The following MPV17L variants were observed in gnomAD, a reference collection of about 807,000 sequenced individuals.
MPV17L encodes the protein MPV17 mitochondrial inner membrane protein like.
A neutral mutation model predicts 25.8 loss-of-function variants in MPV17L; 24 were observed. That is an observed-to-expected ratio of 0.93 (90% confidence interval 0.67 to 1.31). The LOEUF (loss-of-function observed/expected upper bound fraction) is 1.31. Among genes scored for constraint, MPV17L ranks in the 50% most tolerant of loss-of-function variants. MPV17L has a pLI of 0.00. For missense variants in MPV17L, 250 were observed against 265.6 expected, an observed-to-expected ratio of 0.94 and a Z score of 0.41; for synonymous variants, 102 against 115.3, an observed-to-expected ratio of 0.88 and a Z score of 0.74.
Position 15,413,000 on chromosome 16 carries a change from G to A in MPV17L, c.*4888G>A, listed in dbSNP as rs376361187. On this transcript the variant is annotated 3_prime_UTR_variant, in exon 4 of 4. Coordinates refer to ENST00000396385, the MANE Select transcript of MPV17L (RefSeq NM_001128423.2). ...TTGAAGTTATGAAAAGATAGTTTTT[G>A]TTACATGGGAAATTTACTTTTAGTA... 2.6e-5 allele frequency: 4 copies of A among 152,096 alleles called. No homozygotes were observed. Among genetic ancestry groups the A allele is most frequent in the East Asian group, 3.8e-4 (2 of 5,196 alleles). The allele number at this position is 152,096 out of a possible 1,614,324, so 9.4% of individuals were successfully genotyped here.
chr16:15,406,970 C>G (rs1247907588), intron 2 of MPV17L, among the ~76,000 whole-genome samples: 3 of 151,808 alleles, frequency 2.0e-5, no homozygotes, highest in Admixed American at 2.0e-4. Flanking sequence ...TGAGGTGGCT[C>G]ATGCCTATAA....
chr16:15,398,580 T>A lies in MPV17L; in HGVS notation c.311-2207T>A, dbSNP rs117298978. ...TTTGCTTTGGTCTTCAGTTTTTCTT[T>A]TCTTTCTTTCTTTTTTTTTTTTTTT... On this transcript the variant is annotated intron_variant, in intron 1 of 3. Transcript: ENST00000396385. Among the ~76,000 whole-genome samples the A allele has an allele frequency of 1.5e-3, 190 of 123,758 alleles. 3 individuals are homozygous for A. The East Asian group carries it at 0.046, about 30-fold the overall frequency. 81.2% of individuals were successfully genotyped at this position (123,758 alleles called of 152,430 possible).
At position 15,408,558 on chromosome 16, in the gene MPV17L, T is replaced by A. The variant is rs186752534; in HGVS notation, c.*446T>A. The A allele has an allele frequency of 9.5e-4, 145 of 152,834 alleles. No homozygotes were observed. Among genetic ancestry groups the A allele is most frequent in the Admixed American group, 7.0e-3 (106 of 15,244 alleles). 9.5% of individuals were successfully genotyped at this position (152,834 alleles called of 1,614,324 possible). A position where few individuals can be genotyped will look rare whatever the true frequency, so the allele number is the denominator to read the frequency against. ...CGAAATGAAGATTTAATAACCAGAT[T>A]TCTTTCTCCAAAACATACACAATTT... On this transcript the variant is annotated 3_prime_UTR_variant, in exon 4 of 4. Coordinates refer to ENST00000396385, the MANE Select transcript of MPV17L (RefSeq NM_001128423.2).
At chr16:15,396,982 C>G (rs2050592367) in intron 1 of MPV17L, among the ~76,000 whole-genome samples, 1 of 152,008 alleles carries the variant, frequency 6.6e-6, no homozygotes, top group African/African-American at 2.4e-5. Flanking sequence ...CTACTGCATA[C>G]AATAAGAACA....
chr16:15,399,238 A>G (rs1276686104), intron 1 of MPV17L, among the ~76,000 whole-genome samples: 1 of 152,106 alleles, frequency 6.6e-6, no homozygotes, highest in Non-Finnish European at 1.5e-5. Context: ...ACACAGTATT[A>G]CCAATATTTT....
intron 1 of MPV17L, among the ~76,000 whole-genome samples, chr16:15,396,748 G>A (rs1036161148): frequency 6.6e-6 from 1 of 152,166 alleles, no homozygotes; most frequent in Non-Finnish European, 1.5e-5. Context: ...CAGAGCAGGT[G>A]GAATCTGAGG....
intron 1 of MPV17L, among the ~76,000 whole-genome samples, chr16:15,398,246 G>A (rs2050604101): frequency 6.6e-6 from 1 of 152,014 alleles, no homozygotes; most frequent in African/African-American, 2.4e-5. Context: ...GTTTCACCAT[G>A]TTGGCCAGGC....
intron 2 of MPV17L, among the ~76,000 whole-genome samples, chr16:15,404,236 C>A (rs763001619): frequency 6.6e-6 from 1 of 152,134 alleles, no homozygotes. Flanking sequence ...AGGGGAGAAA[C>A]CACAGGCAGT....
At chr16:15,398,590 CTTTT>C (rs397742667) in intron 1 of MPV17L, among the ~76,000 whole-genome samples, 2 of 137,090 alleles carry the variant, frequency 1.5e-5, no homozygotes, top group South Asian at 2.3e-4. Context: ...TTCTTTCTTT[CTTTT>C]TTTTTTTTTT....
chr16:15,398,590 CTTT>C (rs397742667), intron 1 of MPV17L, among the ~76,000 whole-genome samples: 4 of 137,078 alleles, frequency 2.9e-5, no homozygotes, highest in Non-Finnish European at 4.6e-5. Context: ...TTCTTTCTTT[CTTT>C]TTTTTTTTTT....
rs2050583659 is a variant in MPV17L at position 15,396,333 on chromosome 16, G to T, written c.310+126G>T. The T allele has an allele frequency of 1.4e-5, 18 of 1,254,480 alleles. No homozygotes were observed. The South Asian group carries it at 2.5e-4, about 18-fold the overall frequency. 77.7% of individuals were successfully genotyped at this position (1,254,480 alleles called of 1,614,324 possible). A position where few individuals can be genotyped will look rare whatever the true frequency, so the allele number is the denominator to read the frequency against. Reference sequence around the variant, plus strand: ...CCTGGGGACCCGGGCAGGAGCCGGGGCTCTGAGACCGGAGCTGCTTCAGAG... The same window carrying T: ...CCTGGGGACCCGGGCAGGAGCCGGGTCTCTGAGACCGGAGCTGCTTCAGAG... On this transcript the variant is annotated intron_variant, in intron 1 of 3. Transcript: ENST00000396385.
Position 15,400,834 on chromosome 16 carries a change from CAG to C in MPV17L, c.360_361del (p.Lys121IlefsTer51), listed in dbSNP as rs761937479. On this transcript the variant is annotated frameshift_variant, in exon 2 of 4. Transcript: ENST00000396385. LOFTEE classifies it high-confidence loss of function. ...GKDDIFLDLK[Q>X]KFWNTYLSGL... ...GGATGACATATTTTTGGACCTGAAA[CAG>C]AAATTCTGGAATACCTATCTGGTAA... 5.0e-6 allele frequency: 8 copies of C among 1,604,314 alleles called. No individual in the cohort carries two copies. Among genetic ancestry groups the C allele is most frequent in the South Asian group, 1.1e-5 (1 of 89,284 alleles).
Position 15,407,929 on chromosome 16 carries a change from C to T in MPV17L, c.412-4C>T. 3 of 1,613,554 alleles carry T rather than the reference C, an allele frequency of 1.9e-6. No homozygotes were observed. The highest frequency in any genetic ancestry group is 2.5e-6 in the Non-Finnish European group (3 of 1,180,002). ...GGCCCTAACGGACTCTCTCTCTGTT[C>T]CAGCTGACCAACTTCAGCCTTGTTC... On this transcript the variant is annotated splice_region_variant and splice_polypyrimidine_tract_variant and intron_variant, in intron 3 of 3. Transcript: ENST00000396385.
At chr16:15,404,618 C>T (rs978105180) in intron 2 of MPV17L, among the ~76,000 whole-genome samples, 1 of 152,066 alleles carries the variant, frequency 6.6e-6, no homozygotes, top group Non-Finnish European at 1.5e-5. Flanking sequence ...GTCAGGAGTT[C>T]GAGACCAGCC....
intron 1 of MPV17L, among the ~76,000 whole-genome samples, chr16:15,400,107 G>C (rs1038147867): frequency 3.3e-5 from 5 of 152,012 alleles, no homozygotes; most frequent in African/African-American, 9.7e-5. Context: ...CAGCCCACTA[G>C]CTTTTTTAAA....
At position 15,413,133 on chromosome 16, in the gene MPV17L, A is replaced by G. The variant is rs1028238932; in HGVS notation, c.*5021A>G. 6.6e-6 allele frequency: 1 copy of G among 152,188 alleles called. No individual in the cohort carries two copies. The highest frequency in any genetic ancestry group is 2.4e-5 in the African/African-American group (1 of 41,446). The allele number at this position is 152,188 out of a possible 1,614,324, so 9.4% of individuals were successfully genotyped here. A position where few individuals can be genotyped will look rare whatever the true frequency, so the allele number is the denominator to read the frequency against. ...GCAGCTTTCATTTGAAATTAGGTTC[A>G]TCTTCTGAGAGTATTAAAAAGTTAA... is the stretch of plus-strand genomic sequence containing the variant. On this transcript the variant is annotated 3_prime_UTR_variant, in exon 4 of 4. Coordinates refer to ENST00000396385, the MANE Select transcript of MPV17L (RefSeq NM_001128423.2).
In MPV17L at chr16:15,412,021, A is replaced by C. The variant is rs2050737379; in HGVS notation, c.*3909A>C. 6.6e-6 allele frequency: 1 copy of C among 152,224 alleles called. No individual in the cohort carries two copies. The highest frequency in any genetic ancestry group is 2.1e-4 in the South Asian group (1 of 4,832). The allele number at this position is 152,224 out of a possible 1,614,324, so 9.4% of individuals were successfully genotyped here. ...TGTAATTAAAAATCATGCATCATTC[A>C]CAATTTATCAGTCTTTTTTGTTTGT... is the stretch of plus-strand genomic sequence containing the variant. On this transcript the variant is annotated 3_prime_UTR_variant, in exon 4 of 4. Transcript: ENST00000396385.
At chr16:15,406,600 T>G (rs2050682383) in intron 2 of MPV17L, among the ~76,000 whole-genome samples, 1 of 152,136 alleles carries the variant, frequency 6.6e-6, no homozygotes, top group Non-Finnish European at 1.5e-5. Context: ...TATTAGAAAA[T>G]CATTCCATAA....
Position 15,408,141 on chromosome 16 carries a change from C to T in MPV17L, c.*29C>T. 2 of 1,518,908 alleles carry T rather than the reference C, an allele frequency of 1.3e-6. No homozygotes were observed. Among genetic ancestry groups the T allele is most frequent in the Non-Finnish European group, 1.8e-6 (2 of 1,121,616 alleles). The allele number at this position is 1,518,908 out of a possible 1,614,324, so 94.1% of individuals were successfully genotyped here. On this transcript the variant is annotated 3_prime_UTR_variant, in exon 4 of 4. Transcript: ENST00000396385. ...GTCAAGGACTCTCTTAAAGGGACCA[C>T]ATTTTTTACCTAAAATGCACAGAAT...
Sources: allele counts gnomAD v4.1 joint callset (sites outside exome capture counted in the v4.1 genomes callset), GRCh38; gene constraint gnomAD v4.1.1; transcripts MANE v1.5; gene names NCBI Gene and HGNC (gene_info 2026-07-23, HGNC 2026-07-21).